Variants in TGFA observed in about 807,000 individuals in gnomAD.
TGFA encodes the protein transforming growth factor alpha.
Under a neutral mutation model 21.7 loss-of-function variants are expected in TGFA, and 12 were observed. The observed-to-expected ratio is 0.55, with a 90% CI of 0.35 to 0.90. The LOEUF is 0.90. Among genes scored for constraint, TGFA ranks in the 40% least tolerant of loss-of-function variants. TGFA has a pLI of 0.01. For synonymous variants in TGFA, 79 were observed against 88.1 expected, an observed-to-expected ratio of 0.90 and a Z score of 0.58; for missense variants, 178 against 210.8, an observed-to-expected ratio of 0.84 and a Z score of 0.96.
rs138648208 is a variant in TGFA, at chr2:70,496,646, G to T, written c.94+18213C>A. 7.9e-5 allele frequency among the ~76,000 whole-genome samples: 12 copies of T among 152,294 alleles called. No individual in the cohort carries two copies. The East Asian group carries it at 2.3e-3, about 29-fold the overall frequency. ...CTCAGTTTCCCCATGAATCAATAGG[G>T]AATGTTATAAAGGCAAAATGGGTGA... On this transcript the variant is annotated intron_variant, in intron 2 of 5. Transcript: ENST00000295400.
intron 2 of TGFA, among the ~76,000 whole-genome samples, chr2:70,488,762 A>T (rs1671341682): frequency 6.6e-6 from 1 of 152,212 alleles, no homozygotes; most frequent in South Asian, 2.1e-4. Flanking sequence ...CAAGTTAGAG[A>T]TAACTGGCCC....
At chr2:70,521,803 C>T (rs538254603) in intron 1 of TGFA, among the ~76,000 whole-genome samples, 1 of 151,808 alleles carries the variant, frequency 6.6e-6, no homozygotes, top group South Asian at 2.1e-4. Context: ...TTAGTAGAGA[C>T]GGGGTTTCAC....
intron 1 of TGFA, among the ~76,000 whole-genome samples, chr2:70,529,594 C>CCCA (rs1553503472): frequency 8.9e-5 from 12 of 134,300 alleles, no homozygotes; most frequent in Non-Finnish European, 1.5e-4. Flanking sequence ...TGAATCCCCC[C>CCCA]GCCCCAGTCC....
At chr2:70,518,405 C>T (rs1186459320) in intron 1 of TGFA, among the ~76,000 whole-genome samples, 1 of 152,094 alleles carries the variant, frequency 6.6e-6, no homozygotes, top group East Asian at 1.9e-4. Context: ...CCTGGTCTGC[C>T]CTTAGGAAGG....
chr2:70,504,936 A>G (rs1553499932), intron 2 of TGFA, among the ~76,000 whole-genome samples: 1 of 152,198 alleles, frequency 6.6e-6, no homozygotes, highest in African/African-American at 2.4e-5. Flanking sequence ...GACCTTGGGC[A>G]AGTTACTTAA....
chr2:70,485,926 C>G (rs1248609310), intron 2 of TGFA, among the ~76,000 whole-genome samples: 3 of 152,186 alleles, frequency 2.0e-5, no homozygotes, highest in African/African-American at 7.2e-5. Flanking sequence ...TATCCTTCAG[C>G]AGGAAGTCAC....
intron 2 of TGFA, among the ~76,000 whole-genome samples, chr2:70,495,446 T>C (rs1553498221): frequency 6.6e-6 from 1 of 152,222 alleles, no homozygotes; most frequent in East Asian, 1.9e-4. Flanking sequence ...CATCCTAATC[T>C]TGTGGAAAGA....
intron 1 of TGFA, among the ~76,000 whole-genome samples, chr2:70,549,274 A>G (rs1471607427): frequency 6.6e-6 from 1 of 152,230 alleles, no homozygotes; most frequent in Non-Finnish European, 1.5e-5. Context: ...AAGTGCCTTT[A>G]ATAGTAGCTT....
At chr2:70,553,135 G>C in intron 1 of TGFA, 1 of 1,528,262 alleles carries the variant, frequency 6.5e-7, no homozygotes, top group Non-Finnish European at 8.8e-7. Context: ...CTTCTCCCAG[G>C]GAAGTTAATT....
chr2:70,464,124 G>A (rs562680994), intron 3 of TGFA, among the ~76,000 whole-genome samples: 2 of 152,304 alleles, frequency 1.3e-5, no homozygotes, highest in East Asian at 1.9e-4. Context: ...TGACCACACC[G>A]CCTACTGCAG....
chr2:70,518,518 C>A (rs1170351608), intron 1 of TGFA, among the ~76,000 whole-genome samples: 1 of 152,110 alleles, frequency 6.6e-6, no homozygotes, highest in Non-Finnish European at 1.5e-5. Flanking sequence ...TCATGAGTCC[C>A]CAGAAGTGGA....
At chr2:70,459,382 C>T (rs1670343218) in intron 3 of TGFA, among the ~76,000 whole-genome samples, 1 of 152,224 alleles carries the variant, frequency 6.6e-6, no homozygotes, top group African/African-American at 2.4e-5. Context: ...CTATTATTTA[C>T]CTTGTTTGAC....
intron 2 of TGFA, among the ~76,000 whole-genome samples, chr2:70,504,926 G>T (rs532791922): frequency 4.6e-5 from 7 of 152,276 alleles, no homozygotes; most frequent in African/African-American, 1.4e-4. Context: ...CTAACTAGGT[G>T]ACCTTGGGCA....
chr2:70,480,248 G>T (rs1282054996), intron 2 of TGFA, among the ~76,000 whole-genome samples: 1 of 152,166 alleles, frequency 6.6e-6, no homozygotes, highest in African/African-American at 2.4e-5. Flanking sequence ...TTGTGGCCTT[G>T]ACTGTGTCCT....
chr2:70,536,515 T>A (rs782210242), intron 1 of TGFA, among the ~76,000 whole-genome samples: 4 of 152,060 alleles, frequency 2.6e-5, no homozygotes, highest in Non-Finnish European at 4.4e-5. Flanking sequence ...CAGACCACGA[T>A]GGAAATAAAC....
At chr2:70,533,154 G>A (rs1404446372) in intron 1 of TGFA, among the ~76,000 whole-genome samples, 4 of 152,018 alleles carry the variant, frequency 2.6e-5, no homozygotes, top group East Asian at 1.9e-4. Context: ...GAGCCGCCAC[G>A]CCCAGCGGTT....
chr2:70,466,918 A>T (rs1670582398), intron 2 of TGFA, among the ~76,000 whole-genome samples: 1 of 152,170 alleles, frequency 6.6e-6, no homozygotes, highest in Non-Finnish European at 1.5e-5. Context: ...TATCCTCAGC[A>T]AACTAACGCA....
intron 1 of TGFA, among the ~76,000 whole-genome samples, chr2:70,550,231 A>G (rs1553506587): frequency 6.6e-6 from 1 of 152,104 alleles, no homozygotes; most frequent in Non-Finnish European, 1.5e-5. Context: ...GGATTATAAA[A>G]TCCATTTTTG....
chr2:70,464,459 G>T (rs1042170665), intron 3 of TGFA, among the ~76,000 whole-genome samples: 7 of 152,086 alleles, frequency 4.6e-5, no homozygotes, highest in African/African-American at 1.7e-4. Context: ...ACTCTTAACT[G>T]GGGGGCAATT....
Sources: gnomAD v4.1 joint callset for allele counts (sites outside exome capture counted in the v4.1 genomes callset) on GRCh38, gnomAD v4.1.1 for gene constraint, MANE v1.5 for transcripts, NCBI Gene and HGNC (gene_info 2026-07-23, HGNC 2026-07-21) for gene names.